SMCHD1: variants seen among roughly 807,000 people sequenced by gnomAD.
SMCHD1 encodes structural maintenance of chromosomes flexible hinge domain containing 1.
In SMCHD1, 78 loss-of-function variants were observed where a neutral mutation model predicts 254.7. The observed-to-expected ratio is 0.31, with a 90% CI of 0.26 to 0.37. SMCHD1 has a LOEUF of 0.37. Ranked by LOEUF, SMCHD1 falls within the 10% of genes least tolerant of loss-of-function variation. The probability of loss-of-function intolerance (pLI) is 1.00; values close to 1 mark genes in which losing one functional copy is unlikely to be tolerated. For missense variants in SMCHD1, 1,840 were observed against 2,408.1 expected (o/e 0.76, Z 4.94); for synonymous variants, 766 against 794.9 (o/e 0.96, Z 0.61).
At chr18:2,756,583 T>A (rs908998933) in intron 34 of SMCHD1, among the ~76,000 whole-genome samples, 2 of 152,184 alleles carry the variant, frequency 1.3e-5, no homozygotes, top group Admixed American at 6.5e-5. Context: ...AGTTTTGATA[T>A]CTTGTAATTA....
At chr18:2,678,209 T>TTTC (rs2073802649) in intron 5 of SMCHD1, among the ~76,000 whole-genome samples, 1 of 110,538 alleles carries the variant, frequency 9.0e-6, no homozygotes, top group East Asian at 2.7e-4. Flanking sequence ...CTTTTCTTTC[T>TTTC]TTTCTTTCTT....
At chr18:2,760,772 C>G in intron 35 of SMCHD1, 33 bp downstream of exon 35, 1 of 1,283,672 alleles carries the variant, frequency 7.8e-7, no homozygotes, top group Non-Finnish European at 1.1e-6. Context: ...CCACAGTTAG[C>G]TTTACATTTT....
In SMCHD1 at chr18:2,759,590, G is replaced by A. The variant is rs1478332432; in HGVS notation, c.4347-1062G>A. On this transcript the variant is annotated intron_variant, in intron 34 of 47. Transcript: ENST00000320876. ...TTCTCTCTTTTTTTTTTTTTTTTGAGATAGAGTCTCACTCTGTCACCCAAG... is the reference window on the plus strand; with the variant it reads ...TTCTCTCTTTTTTTTTTTTTTTTGAAATAGAGTCTCACTCTGTCACCCAAG... Among the ~76,000 whole-genome samples the A allele has an allele frequency of 6.2e-4, 3 of 4,832 alleles. No homozygotes were observed. The Admixed American group carries it at 6.5e-3, about 10-fold the overall frequency. 3.2% of individuals were successfully genotyped at this position (4,832 alleles called of 152,430 possible).
chr18:2,663,981 CT>C (rs1214704690), intron 1 of SMCHD1, among the ~76,000 whole-genome samples: 1 of 152,142 alleles, frequency 6.6e-6, no homozygotes, highest in Non-Finnish European at 1.5e-5. Flanking sequence ...TCCCAAAGTG[CT>C]GGGATTACAG....
At position 2,688,654 on chromosome 18, in the gene SMCHD1, A is replaced by G; in HGVS notation, c.780A>G (p.Gln260=). 1.3e-6 allele frequency: 2 copies of G among 1,562,226 alleles called. No individual in the cohort carries two copies. Among genetic ancestry groups the G allele is most frequent in the Non-Finnish European group, 1.7e-6 (2 of 1,153,264 alleles). ...ARMISKPADS[Q]DVHELVLSKE... ...TGATAAGCAAACCTGCAGATTCCCA[A>G]GATGTTCACGAGCTTGTGCTTTCTA... The change falls in exon 7 of 48, where the codon CAA becomes CAG. Residue 260 remains glutamine (Q), a synonymous_variant. Coordinates refer to ENST00000320876, the MANE Select transcript of SMCHD1 (RefSeq NM_015295.3).
At chr18:2,772,679 G>A (rs2076004308) in intron 41 of SMCHD1, among the ~76,000 whole-genome samples, 1 of 152,226 alleles carries the variant, frequency 6.6e-6, no homozygotes, top group African/African-American at 2.4e-5. Flanking sequence ...CACCCAGGCT[G>A]GAGTACGATG....
chr18:2,786,791 C>T (rs1252401531), intron 45 of SMCHD1, among the ~76,000 whole-genome samples: 1 of 152,174 alleles, frequency 6.6e-6, no homozygotes, highest in African/African-American at 2.4e-5. Context: ...ACTTTCTTGA[C>T]TTATAGTAGC....
chr18:2,707,663 T>C lies in SMCHD1; in HGVS notation c.2146+18T>C. 3 of 1,544,424 alleles carry C rather than the reference T, an allele frequency of 1.9e-6. No homozygotes were observed. Among genetic ancestry groups the C allele is most frequent in the Non-Finnish European group, 2.7e-6 (3 of 1,127,242 alleles). ...CCCTATTGGTATGTTTGTTTATTTT[T>C]CTAATACCAAAAAGTGTGCTTTTCT... is the stretch of plus-strand genomic sequence containing the variant. On this transcript the variant is annotated intron_variant, in intron 16 of 47. Coordinates refer to ENST00000320876, the MANE Select transcript of SMCHD1 (RefSeq NM_015295.3).
At chr18:2,706,684 A>G in intron 15 of SMCHD1, 1 of 406,966 alleles carries the variant, frequency 2.5e-6, no homozygotes, top group East Asian at 4.2e-5. Flanking sequence ...AGGAAATCTT[A>G]TATATCTAAA....
In SMCHD1 at chr18:2,655,860, A is replaced by T. The variant is rs1417341171; in HGVS notation, c.-216A>T. ...TCAGGAGTGGCGGGCCGCGGAAGTG[A>T]CGTGGTGCACGGGCAGGAGCGCGTT... On this transcript the variant is annotated 5_prime_UTR_variant, in exon 1 of 48. Coordinates refer to ENST00000320876, the MANE Select transcript of SMCHD1 (RefSeq NM_015295.3). 7 of 361,114 alleles carry T rather than the reference A, an allele frequency of 1.9e-5. No homozygotes were observed. Among genetic ancestry groups the T allele is most frequent in the Non-Finnish European group, 3.5e-5 (7 of 202,868 alleles). The allele number at this position is 361,114 out of a possible 1,614,324, so 22.4% of individuals were successfully genotyped here.
chr18:2,782,254 T>C (rs887817103), intron 44 of SMCHD1, among the ~76,000 whole-genome samples: 3 of 152,178 alleles, frequency 2.0e-5, no homozygotes, highest in African/African-American at 7.2e-5. Context: ...TGATAACTTT[T>C]TTTGTCCTAA....
intron 3 of SMCHD1, among the ~76,000 whole-genome samples, chr18:2,668,014 G>A (rs573890445): frequency 6.6e-6 from 1 of 152,120 alleles, no homozygotes; most frequent in African/African-American, 2.4e-5. Flanking sequence ...CGAGTAGTTG[G>A]GATTACAGGC....
chr18:2,709,689 G>A (rs911881136), intron 17 of SMCHD1, among the ~76,000 whole-genome samples: 49 of 151,946 alleles, frequency 3.2e-4, no homozygotes, highest in African/African-American at 1.2e-3. Context: ...ATCTTTTTAT[G>A]GGCTAATTGC....
chr18:2,705,775 T>C lies in SMCHD1; in HGVS notation c.1924T>C (p.Tyr642His). 6.2e-7 allele frequency: 1 copy of C among 1,607,546 alleles called. No homozygotes were observed. Among genetic ancestry groups the C allele is most frequent in the Non-Finnish European group, 8.5e-7 (1 of 1,175,580 alleles). The part of the protein sequence containing the change: ...FLYGDHDGEV[Y>H]ATGGEVQIAM... ...TTATGGCGATCATGATGGAGAAGTA[T>C]ATGCTACAGGAGGAGAGGTTCAAAT... The change falls in exon 14 of 48, where the codon TAT becomes CAT. Residue 642 changes from tyrosine to histidine, a missense_variant. Around this residue, in one of 9 missense-constraint regions of SMCHD1, gnomAD observed 498 missense variants for 743.5 expected, o/e 0.67. Coordinates refer to ENST00000320876, the MANE Select transcript of SMCHD1 (RefSeq NM_015295.3).
At chr18:2,772,676 G>A (rs914010739) in intron 41 of SMCHD1, among the ~76,000 whole-genome samples, 6 of 152,212 alleles carry the variant, frequency 3.9e-5, no homozygotes, top group African/African-American at 1.4e-4. Context: ...TGTCACCCAG[G>A]CTGGAGTACG....
Position 2,784,530 on chromosome 18 carries a change from T to C in SMCHD1, c.5628T>C (p.Leu1876=). 6.2e-7 allele frequency: 1 copy of C among 1,613,066 alleles called. No individual in the cohort carries two copies. The highest frequency in any genetic ancestry group is 8.5e-7 in the Non-Finnish European group (1 of 1,179,554). ...RIRSNGKFGG[L]QNKAPPMDKL... is the part of the protein sequence containing the mutation. Reference sequence around the variant, plus strand: ...GAAGTAATGGAAAGTTTGGGGGCCTTCAGAATAAAGCTCCTCCAATGGATA... The same window carrying C: ...GAAGTAATGGAAAGTTTGGGGGCCTCCAGAATAAAGCTCCTCCAATGGATA... The change falls in exon 45 of 48, where the codon CTT becomes CTC. Residue 1876 remains leucine (L), a synonymous_variant. Transcript: ENST00000320876.
At chr18:2,792,268 C>A (rs2143844946) in intron 45 of SMCHD1, among the ~76,000 whole-genome samples, 1 of 152,330 alleles carries the variant, frequency 6.6e-6, no homozygotes, top group African/African-American at 2.4e-5. Flanking sequence ...TTTAGATACA[C>A]AAATGCTTAC....
chr18:2,792,058 A>G (rs1406464639), intron 45 of SMCHD1, among the ~76,000 whole-genome samples: 1 of 152,230 alleles, frequency 6.6e-6, no homozygotes, highest in African/African-American at 2.4e-5. Flanking sequence ...ATTCCCAAAT[A>G]TTTCCCGTTA....
chr18:2,718,566 C>A lies in SMCHD1; in HGVS notation c.2458+132C>A. 1.2e-6 allele frequency: 1 copy of A among 800,510 alleles called. No homozygotes were observed. Among genetic ancestry groups the A allele is most frequent in the Non-Finnish European group, 1.8e-6 (1 of 546,522 alleles). The allele number at this position is 800,510 out of a possible 1,614,324, so 49.6% of individuals were successfully genotyped here. ...ATCTCGATTTTATTTTATTTTCTTA[C>A]TTACTTTGAGATGGGGTCTCATTCT... On this transcript the variant is annotated intron_variant, in intron 19 of 47. Coordinates refer to ENST00000320876, the MANE Select transcript of SMCHD1 (RefSeq NM_015295.3). The surrounding 1 kb of genome is among the most constrained non-coding windows in gnomAD (Gnocchi z 4.6).
Sources: gnomAD v4.1 joint callset for allele counts (sites outside exome capture counted in the v4.1 genomes callset) on GRCh38, gnomAD v4.1.1 for gene constraint, gnomAD v4.1.1 regional missense constraint, Gnocchi (gnomAD v3.1) non-coding constraint, MANE v1.5 for transcripts, NCBI Gene and HGNC (gene_info 2026-07-23, HGNC 2026-07-21) for gene names.